The following SLC9A9 variants were observed in gnomAD, a reference collection of about 807,000 sequenced individuals.
The protein encoded by SLC9A9 is solute carrier family 9 member A9.
A neutral mutation model predicts 77.8 loss-of-function variants in SLC9A9; 62 were observed. The ratio of observed to expected loss-of-function variants is 0.80; its 90% CI spans 0.65 to 0.98. The LOEUF is 0.98. Ranked by LOEUF, SLC9A9 falls within the 50% of genes least tolerant of loss-of-function variation. The pLI is 0.00. For missense variants in SLC9A9, 775 were observed against 774.9 expected (o/e 1.00, Z 0.00); for synonymous variants, 320 against 283.5 (o/e 1.13, Z -1.29).
chr3:143,807,573 C>T (rs955984789), intron 2 of SLC9A9, among the ~76,000 whole-genome samples: 4 of 151,996 alleles, frequency 2.6e-5, no homozygotes, highest in Non-Finnish European at 5.9e-5. Context: ...GGTTCAAATC[C>T]GTTTCTACTA....
At chr3:143,805,681 C>T (rs976118505) in intron 2 of SLC9A9, among the ~76,000 whole-genome samples, 1 of 152,124 alleles carries the variant, frequency 6.6e-6, no homozygotes, top group East Asian at 1.9e-4. Context: ...ATTCCTTCTC[C>T]TGGCTCATCC....
At chr3:143,811,555 G>T (rs1305816544) in intron 2 of SLC9A9, among the ~76,000 whole-genome samples, 1 of 152,016 alleles carries the variant, frequency 6.6e-6, no homozygotes, top group African/African-American at 2.4e-5. Context: ...TTTTCAAGAA[G>T]TGTTCACTGG....
At chr3:143,413,930 T>C (rs72992193) in intron 12 of SLC9A9, among the ~76,000 whole-genome samples, 3,760 of 152,324 alleles carry the variant, frequency 0.025, 169 homozygotes, top group African/African-American at 0.084. Flanking sequence ...GTGCCCCCTT[T>C]AAAAATCCCA....
At chr3:143,487,478 A>C (rs1208027885) in intron 11 of SLC9A9, among the ~76,000 whole-genome samples, 1 of 151,908 alleles carries the variant, frequency 6.6e-6, no homozygotes, top group African/African-American at 2.4e-5. Flanking sequence ...CAGTCTTCTC[A>C]AGTGCACATG....
intron 5 of SLC9A9, among the ~76,000 whole-genome samples, chr3:143,689,525 A>G (rs1933388532): frequency 6.6e-6 from 1 of 151,896 alleles, no homozygotes; most frequent in Admixed American, 6.6e-5. Flanking sequence ...CAGCCTCCCA[A>G]GTAGCTATAG....
At chr3:143,347,532 C>T (rs1048815155) in intron 14 of SLC9A9, among the ~76,000 whole-genome samples, 3 of 152,122 alleles carry the variant, frequency 2.0e-5, no homozygotes, top group African/African-American at 7.2e-5. Context: ...CTTTAAGGTC[C>T]AGAGTTATAA....
chr3:143,564,273 C>T (rs916205157), intron 8 of SLC9A9, among the ~76,000 whole-genome samples: 1 of 152,128 alleles, frequency 6.6e-6, no homozygotes, highest in African/African-American at 2.4e-5. Flanking sequence ...ATGAAGCCGT[C>T]AGATACAGAA....
intron 5 of SLC9A9, among the ~76,000 whole-genome samples, chr3:143,676,649 A>G (rs573250038): frequency 7.2e-5 from 11 of 152,230 alleles, no homozygotes; most frequent in Non-Finnish European, 1.5e-4. Context: ...AGGCAGGAGA[A>G]TCGCTTGAAC....
At chr3:143,373,605 T>TAAAAAAAAA (rs67376157) in intron 13 of SLC9A9, among the ~76,000 whole-genome samples, 80 of 58,284 alleles carry the variant, frequency 1.4e-3, no homozygotes, top group East Asian at 2.9e-3. Flanking sequence ...ACTGAAATAG[T>TAAAAAAAAA]AAAAAAAAAA....
At chr3:143,701,235 A>G (rs1933792623) in intron 4 of SLC9A9, among the ~76,000 whole-genome samples, 1 of 152,222 alleles carries the variant, frequency 6.6e-6, no homozygotes, top group African/African-American at 2.4e-5. Flanking sequence ...CAACTGTTAA[A>G]TGCCCAGACA....
intron 8 of SLC9A9, among the ~76,000 whole-genome samples, chr3:143,562,035 C>T (rs1026501945): frequency 2.0e-5 from 3 of 152,182 alleles, no homozygotes; most frequent in Admixed American, 1.3e-4. Context: ...AGCTACCAGA[C>T]TTACATGAGT....
At chr3:143,631,918 T>C (rs913861254) in intron 6 of SLC9A9, among the ~76,000 whole-genome samples, 6 of 152,152 alleles carry the variant, frequency 3.9e-5, no homozygotes, top group Non-Finnish European at 8.8e-5. Flanking sequence ...TGACTATGAT[T>C]CCCACATGCT....
At chr3:143,435,518 C>A (rs2034606270) in intron 12 of SLC9A9, among the ~76,000 whole-genome samples, 1 of 152,116 alleles carries the variant, frequency 6.6e-6, no homozygotes, top group African/African-American at 2.4e-5. Flanking sequence ...CTTTACTATT[C>A]AAAAAATTAC....
chr3:143,455,361 A>G (rs1317810700), intron 12 of SLC9A9, among the ~76,000 whole-genome samples: 2 of 152,176 alleles, frequency 1.3e-5, no homozygotes, highest in Non-Finnish European at 2.9e-5. Context: ...GAGTTTTCCA[A>G]CTTCATTCTT....
chr3:143,764,996 TTC>T, intron 4 of SLC9A9, among the ~76,000 whole-genome samples: 1 of 147,280 alleles, frequency 6.8e-6, no homozygotes, highest in African/African-American at 2.7e-5. Flanking sequence ...CCTTCCTTCC[TTC>T]CTTTCTTTCT....
chr3:143,275,106 T>C (rs977774870), intron 14 of SLC9A9, among the ~76,000 whole-genome samples: 2 of 152,204 alleles, frequency 1.3e-5, no homozygotes, highest in African/African-American at 4.8e-5. Flanking sequence ...TTCTGAGGTC[T>C]TGTATGTTGA....
intron 4 of SLC9A9, among the ~76,000 whole-genome samples, chr3:143,731,875 A>G (rs998787112): frequency 2.0e-5 from 3 of 152,142 alleles, no homozygotes; most frequent in Non-Finnish European, 2.9e-5. Context: ...TCACTCTCCA[A>G]CTGTCAACGG....
chr3:143,705,041 A>ATC (rs765935008), intron 4 of SLC9A9, among the ~76,000 whole-genome samples: 6,230 of 59,714 alleles, frequency 0.1, 238 homozygotes, highest in East Asian at 0.27. Context: ...CTATCTATCT[A>ATC]TATAGATATA....
At chr3:143,315,732 T>A (rs2031188410) in intron 14 of SLC9A9, among the ~76,000 whole-genome samples, 1 of 152,252 alleles carries the variant, frequency 6.6e-6, no homozygotes, top group Non-Finnish European at 1.5e-5. Flanking sequence ...TTACATTATC[T>A]TCTTTAATTG....
Sources: allele counts gnomAD v4.1 joint callset (sites outside exome capture counted in the v4.1 genomes callset), GRCh38; gene constraint gnomAD v4.1.1; transcripts MANE v1.5; gene names NCBI Gene and HGNC (gene_info 2026-07-23, HGNC 2026-07-21).